The following PLPPR1 variants were observed in gnomAD, a reference collection of about 807,000 sequenced individuals.
PLPPR1 encodes phospholipid phosphatase related 1.
A neutral mutation model predicts 33.1 loss-of-function variants in PLPPR1; 10 were observed. That is an observed-to-expected ratio of 0.30 (90% CI 0.19 to 0.51). The LOEUF (loss-of-function observed/expected upper bound fraction) is 0.51, where lower values mean the gene tolerates loss of function less well. Among genes scored for constraint, PLPPR1 ranks in the 20% least tolerant of loss-of-function variants. PLPPR1 has a pLI of 0.97. For synonymous variants in PLPPR1, 151 were observed against 151.0 expected, an observed-to-expected ratio of 1.00 and a Z score of 0.00; for missense variants, 304 against 408.1, an observed-to-expected ratio of 0.74 and a Z score of 2.20.
intron 1 of PLPPR1, among the ~76,000 whole-genome samples, chr9:101,131,144 C>G (rs1157424172): frequency 6.6e-6 from 1 of 152,128 alleles, no homozygotes; most frequent in Non-Finnish European, 1.5e-5. Context: ...TGTGATTTAA[C>G]CTGACCTTGA....
At chr9:101,208,182 A>AT (rs1165713508) in intron 2 of PLPPR1, among the ~76,000 whole-genome samples, 1 of 152,168 alleles carries the variant, frequency 6.6e-6, no homozygotes, top group Admixed American at 6.5e-5. Context: ...TGAGATTTCA[A>AT]TTTTCATCTA....
At chr9:101,278,291 CAT>C (rs1316013838) in intron 3 of PLPPR1, among the ~76,000 whole-genome samples, 2 of 152,110 alleles carry the variant, frequency 1.3e-5, no homozygotes, top group Admixed American at 6.5e-5. Flanking sequence ...TTGCGTACCA[CAT>C]GTTTTTTAAA....
At chr9:101,035,364 A>G (rs1588001321) in intron 1 of PLPPR1, among the ~76,000 whole-genome samples, 1 of 152,290 alleles carries the variant, frequency 6.6e-6, no homozygotes, top group South Asian at 2.1e-4. Flanking sequence ...AAATACTTCT[A>G]TTACTGTGCT....
intron 3 of PLPPR1, among the ~76,000 whole-genome samples, chr9:101,273,631 A>G (rs1371195220): frequency 6.6e-6 from 1 of 152,228 alleles, no homozygotes; most frequent in Non-Finnish European, 1.5e-5. Flanking sequence ...TACATTGTGG[A>G]TGTTGCAAGT....
chr9:101,180,141 T>C (rs557079411), intron 1 of PLPPR1, among the ~76,000 whole-genome samples: 405 of 28,730 alleles, frequency 0.014, 6 homozygotes, highest in African/African-American at 0.025. Context: ...TATATATATA[T>C]ATACACACAC....
At chr9:101,300,965 T>C (rs1828739865) in intron 4 of PLPPR1, among the ~76,000 whole-genome samples, 2 of 152,200 alleles carry the variant, frequency 1.3e-5, no homozygotes, top group South Asian at 4.1e-4. Flanking sequence ...CACTGGGGAA[T>C]TGTCCTGTCA....
chr9:101,047,660 C>T (rs946998959), intron 1 of PLPPR1, among the ~76,000 whole-genome samples: 7 of 152,104 alleles, frequency 4.6e-5, no homozygotes, highest in Admixed American at 1.3e-4. Context: ...GAATCCACCC[C>T]GAGGATGGAA....
chr9:101,047,188 A>T (rs144353950), intron 1 of PLPPR1, among the ~76,000 whole-genome samples: 1 of 152,174 alleles, frequency 6.6e-6, no homozygotes, highest in Non-Finnish European at 1.5e-5. Flanking sequence ...TTTTACTCTG[A>T]GATTCCCCTC....
At chr9:101,098,895 C>T (rs1348587202) in intron 1 of PLPPR1, among the ~76,000 whole-genome samples, 2 of 152,032 alleles carry the variant, frequency 1.3e-5, no homozygotes, top group Admixed American at 6.6e-5. Context: ...AACAAGAGCT[C>T]ACTAACTTCT....
intron 1 of PLPPR1, among the ~76,000 whole-genome samples, chr9:101,156,093 T>C (rs1054407571): frequency 6.6e-6 from 1 of 152,196 alleles, no homozygotes; most frequent in African/African-American, 2.4e-5. Flanking sequence ...CTTGTCCTCA[T>C]GAAATGAATA....
At chr9:101,292,388 C>G (rs532686396) in intron 4 of PLPPR1, among the ~76,000 whole-genome samples, 7 of 152,174 alleles carry the variant, frequency 4.6e-5, no homozygotes, top group African/African-American at 1.4e-4. Flanking sequence ...TCCAGGAGAA[C>G]TTCCCCAATC....
chr9:101,051,627 C>G (rs915804964), intron 1 of PLPPR1, among the ~76,000 whole-genome samples: 1 of 152,204 alleles, frequency 6.6e-6, no homozygotes, highest in Admixed American at 6.5e-5. Flanking sequence ...CAGAAATAAT[C>G]ATTTTCTACT....
intron 4 of PLPPR1, among the ~76,000 whole-genome samples, chr9:101,291,086 A>G (rs1400173193): frequency 6.6e-6 from 1 of 152,188 alleles, no homozygotes; most frequent in Non-Finnish European, 1.5e-5. Flanking sequence ...CCACCCTAAT[A>G]CTGCGCTTTT....
intron 2 of PLPPR1, among the ~76,000 whole-genome samples, chr9:101,216,470 T>C (rs1826797639): frequency 6.6e-6 from 1 of 152,210 alleles, no homozygotes; most frequent in Non-Finnish European, 1.5e-5. Flanking sequence ...TTTTCTCCCG[T>C]TCTGAATGTT....
rs987368250 is a variant in PLPPR1, at chr9:101,064,664, C to T, written c.-46+35562C>T. On this transcript the variant is annotated intron_variant, in intron 1 of 7. Transcript: ENST00000374874. ...CAATTCTGGGTAGGAGGTGCATCTT[C>T]GTCTGTTTTCTGTTACTATAACTGA... 3.3e-5 allele frequency among the ~76,000 whole-genome samples: 5 copies of T among 152,150 alleles called. No homozygotes were observed. In the South Asian group the frequency reaches 6.2e-4, roughly 19 times the overall value.
chr9:101,257,896 C>CAACATCATACATTAGGGTTTT, intron 2 of PLPPR1, among the ~76,000 whole-genome samples: 1 of 152,004 alleles, frequency 6.6e-6, no homozygotes, highest in South Asian at 2.1e-4. Context: ...TTTGGACTTA[C>CAACATCATACATTAGGGTTTT]AACATCATAC....
chr9:101,266,506 C>T (rs949466776), intron 2 of PLPPR1, among the ~76,000 whole-genome samples: 5 of 152,132 alleles, frequency 3.3e-5, no homozygotes, highest in Non-Finnish European at 7.4e-5. Context: ...CCAATTCATG[C>T]TCGTGGTGGG....
At chr9:101,056,710 T>C (rs954475103) in intron 1 of PLPPR1, among the ~76,000 whole-genome samples, 1 of 152,178 alleles carries the variant, frequency 6.6e-6, no homozygotes, top group Non-Finnish European at 1.5e-5. Flanking sequence ...ATGCAAGGGC[T>C]AAGGGGAAGA....
intron 1 of PLPPR1, among the ~76,000 whole-genome samples, chr9:101,088,821 C>G (rs1032129010): frequency 3.3e-5 from 5 of 152,098 alleles, no homozygotes; most frequent in Non-Finnish European, 4.4e-5. Flanking sequence ...ACCTGCTTAG[C>G]CTTTTATTAT....
Sources: allele counts gnomAD v4.1 joint callset (sites outside exome capture counted in the v4.1 genomes callset), GRCh38; gene constraint gnomAD v4.1.1; transcripts MANE v1.5; gene names NCBI Gene and HGNC (gene_info 2026-07-23, HGNC 2026-07-21).